WDR48: variants seen among roughly 807,000 people sequenced by gnomAD.
WDR48 encodes WD repeat domain 48, also known as WD repeat-containing protein 48.
In WDR48, 22 loss-of-function variants were observed where a neutral mutation model predicts 94.0. The ratio of observed to expected loss-of-function variants is 0.23; its 90% confidence interval spans 0.17 to 0.33. The LOEUF (loss-of-function observed/expected upper bound fraction) is 0.33. WDR48 is among the 10% of genes least tolerant of loss of function. The pLI is 1.00. For missense variants in WDR48, 541 were observed against 813.8 expected (o/e 0.66, Z 4.08); for synonymous variants, 278 against 280.5 (o/e 0.99, Z 0.09).
At chr3:39,085,911 A>G (rs1400555847) in intron 14 of WDR48, among the ~76,000 whole-genome samples, 5 of 152,206 alleles carry the variant, frequency 3.3e-5, no homozygotes, top group African/African-American at 1.2e-4. Flanking sequence ...TATTTCCAAA[A>G]TATTCTTCAA....
intron 17 of WDR48, among the ~76,000 whole-genome samples, chr3:39,092,572 G>A (rs1379792087): frequency 6.6e-6 from 1 of 152,132 alleles, no homozygotes; most frequent in African/African-American, 2.4e-5. Context: ...TGAATGCCAA[G>A]CCATAGAGCG....
chr3:39,079,708 TA>T lies in WDR48; in HGVS notation c.1076-2del. On this transcript the variant is annotated splice_acceptor_variant, in intron 10 of 18. Transcript: ENST00000302313. LOFTEE classifies it high-confidence loss of function. ...TACCAATTGTGTTTTTTTTTCCCAT[TA>T]GGGGGTGCTAGTATTATTCAGTGCC... The T allele has an allele frequency of 1.3e-6, 2 of 1,535,790 alleles. No homozygotes were observed. Among genetic ancestry groups the T allele is most frequent in the Non-Finnish European group, 1.7e-6 (2 of 1,148,328 alleles).
intron 1 of WDR48, among the ~76,000 whole-genome samples, chr3:39,055,572 C>T (rs2032824218): frequency 6.6e-6 from 1 of 152,120 alleles, no homozygotes; most frequent in South Asian, 2.1e-4. Flanking sequence ...TAAATGAGTC[C>T]ATGTCCTACC....
At chr3:39,056,114 T>C (rs1386098603) in intron 1 of WDR48, among the ~76,000 whole-genome samples, 1 of 152,224 alleles carries the variant, frequency 6.6e-6, no homozygotes, top group Non-Finnish European at 1.5e-5. Flanking sequence ...TATCAGCATA[T>C]ATAGTTTTCG....
At chr3:39,087,581 T>C (rs561579386) in intron 14 of WDR48, among the ~76,000 whole-genome samples, 11 of 152,240 alleles carry the variant, frequency 7.2e-5, no homozygotes, top group African/African-American at 2.2e-4. Flanking sequence ...ATCACACCAC[T>C]GCACTCCAGC....
intron 6 of WDR48, 56 bp from the exon 7 acceptor site, chr3:39,069,587 A>G: frequency 1.4e-6 from 2 of 1,419,522 alleles, no homozygotes. Context: ...GTTGTCTGTT[A>G]TTTAAATTTG....
Position 39,079,781 on chromosome 3 carries a change from T to C in WDR48, c.1146T>C (p.Asn382=), listed in dbSNP as rs771424673. The C allele has an allele frequency of 9.6e-6, 15 of 1,557,178 alleles. No individual in the cohort carries two copies. In the East Asian group the frequency reaches 3.2e-4, roughly 33 times the overall value. ...ATATATTAACCAAAGATACCAATAA[T>C]AATGTGGCATATTGGGATGTATTGA... ...KRHILTKDTN[N]NVAYWDVLKA... is the part of the protein sequence containing the mutation. Residue 382 remains asparagine (N), a synonymous_variant, in exon 11 of 19, where the codon AAT becomes AAC. Transcript: ENST00000302313.
rs2035319406 is a variant in WDR48, at chr3:39,096,152, C to CTG, written c.*1409_*1410insTG. 3.9e-5 allele frequency: 6 copies of CTG among 152,602 alleles called. No individual in the cohort carries two copies. Among genetic ancestry groups the CTG allele is most frequent in the African/African-American group, 1.4e-4 (6 of 41,448 alleles). 9.5% of individuals were successfully genotyped at this position (152,602 alleles called of 1,614,324 possible). A position where few individuals can be genotyped will look rare whatever the true frequency, so the allele number is the denominator to read the frequency against. ...TTAAGATACTCTGATCGCACAACTGCAGAGACAGGGTTCCCTCACTGCTAG... is the reference window on the plus strand; with the variant it reads ...TTAAGATACTCTGATCGCACAACTGCTGAGAGACAGGGTTCCCTCACTGCTAG... On this transcript the variant is annotated 3_prime_UTR_variant, in exon 19 of 19. Transcript: ENST00000302313.
chr3:39,063,735 G>C (rs574020044), intron 2 of WDR48, among the ~76,000 whole-genome samples: 1 of 151,916 alleles, frequency 6.6e-6, no homozygotes, highest in Admixed American at 6.6e-5. Flanking sequence ...TTGAGTCCAG[G>C]AGTTCGAGAC....
intron 2 of WDR48, among the ~76,000 whole-genome samples, chr3:39,065,437 C>T (rs2125645871): frequency 6.6e-6 from 1 of 152,188 alleles, no homozygotes; most frequent in African/African-American, 2.4e-5. Context: ...ACCACTCATT[C>T]AAATCCCCAC....
chr3:39,052,869 C>T (rs2032557023), intron 1 of WDR48, among the ~76,000 whole-genome samples: 1 of 151,798 alleles, frequency 6.6e-6, no homozygotes, highest in African/African-American at 2.4e-5. Context: ...CGGGGCCTGT[C>T]GGGGGCTGGG....
At chr3:39,055,258 G>A (rs1417918616) in intron 1 of WDR48, among the ~76,000 whole-genome samples, 1 of 152,086 alleles carries the variant, frequency 6.6e-6, no homozygotes, top group Non-Finnish European at 1.5e-5. Context: ...AGGCCAAGGT[G>A]GGCAGATCAC....
intron 9 of WDR48, 112 bp downstream of exon 9, chr3:39,077,325 G>A: frequency 1.8e-6 from 2 of 1,136,362 alleles, no homozygotes; most frequent in Non-Finnish European, 2.5e-6. Flanking sequence ...CATGCTTTTG[G>A]GCAGGGGCAA....
At chr3:39,058,939 A>G (rs995330241) in intron 1 of WDR48, among the ~76,000 whole-genome samples, 13 of 152,098 alleles carry the variant, frequency 8.5e-5, no homozygotes, top group African/African-American at 2.6e-4. Flanking sequence ...GCTGGGCGCC[A>G]TAGCAGGCAC....
At chr3:39,068,628 A>G (rs570617697) in intron 5 of WDR48, 143 bp from the exon 6 acceptor site, 5 of 540,086 alleles carry the variant, frequency 9.3e-6, no homozygotes, top group African/African-American at 3.7e-5. Context: ...GTTTAGATTT[A>G]TCTCCATTAT....
intron 1 of WDR48, among the ~76,000 whole-genome samples, chr3:39,053,741 T>C (rs2032653548): frequency 6.6e-6 from 1 of 152,158 alleles, no homozygotes; most frequent in Admixed American, 6.5e-5. Context: ...ATAAAGTATA[T>C]ATATTTTAAA....
chr3:39,068,712 G>T, intron 5 of WDR48, 59 bp from the exon 6 acceptor site: 1 of 1,293,056 alleles, frequency 7.7e-7, no homozygotes, highest in Non-Finnish European at 1.1e-6. Flanking sequence ...AGTTTTTGCT[G>T]ACTAGTTACT....
intron 15 of WDR48, among the ~76,000 whole-genome samples, 170 bp downstream of exon 15, chr3:39,088,403 T>C (rs1242469143): frequency 2.0e-5 from 3 of 152,334 alleles, no homozygotes; most frequent in Middle Eastern, 3.4e-3. Context: ...TCTGCTGCTG[T>C]TAGACCACAT....
Position 39,094,751 on chromosome 3 carries a change from G to C in WDR48, c.*8G>C. The C allele has an allele frequency of 6.2e-7, 1 of 1,614,022 alleles. No homozygotes were observed. The highest frequency in any genetic ancestry group is 8.5e-7 in the Non-Finnish European group (1 of 1,179,998). On this transcript the variant is annotated 3_prime_UTR_variant, in exon 19 of 19. Transcript: ENST00000302313. ...CGTCAGAAGTCCACGTGAAGGCTGG[G>C]CTAATGCTCCTGGATATTCATTTAC...
Sources: allele counts gnomAD v4.1 joint callset (sites outside exome capture counted in the v4.1 genomes callset), GRCh38; gene constraint gnomAD v4.1.1; transcripts MANE v1.5; gene names NCBI Gene and HGNC (gene_info 2026-07-23, HGNC 2026-07-21).